EEF2K: variants seen among roughly 807,000 people sequenced by gnomAD.
EEF2K encodes alternative protein EEF2K.
A neutral mutation model predicts 93.8 loss-of-function variants in EEF2K; 70 were observed. The observed-to-expected ratio is 0.75, with a 90% CI of 0.62 to 0.91. The LOEUF (loss-of-function observed/expected upper bound fraction) is 0.91, where lower values mean the gene tolerates loss of function less well. Among genes scored for constraint, EEF2K ranks in the 40% least tolerant of loss-of-function variants. The pLI, the probability that EEF2K is intolerant of heterozygous loss-of-function variation, is 0.00. For missense variants in EEF2K, 935 were observed against 972.9 expected, an observed-to-expected ratio of 0.96 and a Z score of 0.52; for synonymous variants, 376 against 380.8, an observed-to-expected ratio of 0.99 and a Z score of 0.15.
chr16:22,277,348 TG>T (rs2047647342), intron 16 of EEF2K, among the ~76,000 whole-genome samples: 1 of 152,176 alleles, frequency 6.6e-6, no homozygotes, highest in Non-Finnish European at 1.5e-5. Flanking sequence ...TTGCCCAGGC[TG>T]GCCTCAAACT....
chr16:22,242,980 C>T (rs1350608578), intron 2 of EEF2K, among the ~76,000 whole-genome samples: 2 of 151,672 alleles, frequency 1.3e-5, no homozygotes, highest in East Asian at 1.9e-4. Flanking sequence ...CCTAGCTACT[C>T]AGGAGGCTGA....
chr16:22,228,033 A>G lies in EEF2K; in HGVS notation c.246+2058A>G, dbSNP rs1446038071. ...TTTTTTTTTTTTTTTTTTTTTTTTG[A>G]GATGGAGTCTCACTCTGTCGCCCAG... On this transcript the variant is annotated intron_variant, in intron 2 of 17. Transcript: ENST00000263026. Among the ~76,000 whole-genome samples, 9 of 47,436 alleles carry G rather than the reference A, an allele frequency of 1.9e-4. No homozygotes were observed. The South Asian group carries it at 5.3e-3, about 28-fold the overall frequency. 31.1% of individuals were successfully genotyped at this position (47,436 alleles called of 152,430 possible).
intron 1 of EEF2K, among the ~76,000 whole-genome samples, chr16:22,224,628 T>TTCTGTC (rs2047044378): frequency 1.4e-5 from 2 of 140,678 alleles, no homozygotes; most frequent in Admixed American, 7.3e-5. Context: ...CAGAGCAAGA[T>TTCTGTC]TCTGTCTCAA....
intron 1 of EEF2K, among the ~76,000 whole-genome samples, chr16:22,212,803 C>G (rs2046927579): frequency 6.6e-6 from 1 of 151,712 alleles, no homozygotes; most frequent in African/African-American, 2.4e-5. Context: ...AAGACACCAT[C>G]TCTACAAAAA....
chr16:22,237,835 T>C (rs1400499126), intron 2 of EEF2K, among the ~76,000 whole-genome samples: 1 of 152,184 alleles, frequency 6.6e-6, no homozygotes, highest in Admixed American at 6.5e-5. Context: ...CCTCTTTTTG[T>C]GCATTTGCAT....
intron 16 of EEF2K, 129 bp downstream of exon 16, chr16:22,273,879 A>C (rs2047609396): frequency 7.4e-7 from 1 of 1,348,330 alleles, no homozygotes. Context: ...ACCATGGGCA[A>C]CTTATTTTAC....
rs1216980782 is a variant in EEF2K at position 22,258,639 on chromosome 16, CT to C, written c.1176del (p.Leu393SerfsTer15). 6.2e-7 allele frequency: 1 copy of C among 1,614,214 alleles called. No homozygotes were observed. Among genetic ancestry groups the C allele is most frequent in the South Asian group, 1.1e-5 (1 of 91,088 alleles). Reference sequence around the variant, plus strand: ...AACATGAGCGACGTGACCTTCGACTCTCTCCCTTCTTCCCCATCTTCGGCCA... The same window carrying C: ...AACATGAGCGACGTGACCTTCGACTCCTCCCTTCTTCCCCATCTTCGGCCA... ...DENMSDVTFD[S>X]LPSSPSSATP... On this transcript the variant is annotated frameshift_variant, in exon 10 of 18. Coordinates refer to ENST00000263026, the MANE Select transcript of EEF2K (RefSeq NM_013302.5). LOFTEE classifies it high-confidence loss of function.
Position 22,225,981 on chromosome 16 carries a change from T to C in EEF2K, c.246+6T>C. The C allele has an allele frequency of 6.2e-7, 1 of 1,613,346 alleles. No homozygotes were observed. Among genetic ancestry groups the C allele is most frequent in the Non-Finnish European group, 8.5e-7 (1 of 1,179,402 alleles). ...CAAACTCCTTCCACTTCAAGGTGAGTGAGCCACCTATTCCACCTTCCCCAC... is the reference window on the plus strand; with the variant it reads ...CAAACTCCTTCCACTTCAAGGTGAGCGAGCCACCTATTCCACCTTCCCCAC... On this transcript the variant is annotated splice_donor_region_variant and intron_variant, in intron 2 of 17. Transcript: ENST00000263026.
At chr16:22,283,792 T>C (rs2047723240) in intron 17 of EEF2K, 95 bp from the exon 18 acceptor site, 26 of 1,211,910 alleles carry the variant, frequency 2.1e-5, no homozygotes, top group Non-Finnish European at 2.7e-5. Flanking sequence ...TAAGGAAACG[T>C]CAGGGTGTTC....
At chr16:22,260,614 C>T (rs1037483786) in intron 11 of EEF2K, 85 bp downstream of exon 11, 99 of 1,563,166 alleles carry the variant, frequency 6.3e-5, no homozygotes, top group Non-Finnish European at 7.4e-5. Flanking sequence ...TCTTCAGCTT[C>T]GGAGGTGGGC....
rs777277571 is a variant in EEF2K, at chr16:22,264,819, G to A, written c.1379G>A (p.Gly460Asp). 6.2e-7 allele frequency: 1 copy of A among 1,613,930 alleles called. No individual in the cohort carries two copies. Among genetic ancestry groups the A allele is most frequent in the Non-Finnish European group, 8.5e-7 (1 of 1,179,914 alleles). ...AGTGTAATTTCTTCCTCCGTTCAGG[G>A]CCACTCATACAGTAATCGGAAGTAC... Reference protein sequence around the residue: ...ELDDPEPREHGHSYSNRKYES... With the variant: ...ELDDPEPREHDHSYSNRKYES... The change falls in exon 13 of 18, where the codon GGC (glycine) becomes GAC (aspartate). Residue 460 changes from glycine (G) to aspartate (D), a missense_variant and splice_region_variant. Physicochemically the swap from Gly to Asp is moderately conservative, Grantham distance 94. Transcript: ENST00000263026.
chr16:22,251,849 A>G (rs1214455040), intron 6 of EEF2K, among the ~76,000 whole-genome samples: 1 of 152,132 alleles, frequency 6.6e-6, no homozygotes, highest in Non-Finnish European at 1.5e-5. Context: ...GCCAGAGTGC[A>G]GTGGCATAAT....
chr16:22,243,247 ATTTTTTTT>A, intron 2 of EEF2K, among the ~76,000 whole-genome samples: 1 of 118,494 alleles, frequency 8.4e-6, no homozygotes, highest in African/African-American at 3.2e-5. Flanking sequence ...GATGCAGCCT[ATTTTTTTT>A]TTTTTTTTTT....
intron 16 of EEF2K, 22 bp from the exon 17 acceptor site, chr16:22,280,176 T>C: frequency 6.9e-6 from 10 of 1,447,294 alleles, no homozygotes; most frequent in Non-Finnish European, 9.2e-6. Flanking sequence ...CCTCCACCTT[T>C]CCCTCTGTAT....
intron 1 of EEF2K, among the ~76,000 whole-genome samples, chr16:22,222,604 T>C (rs1237539961): frequency 6.7e-6 from 1 of 149,878 alleles, no homozygotes; most frequent in Non-Finnish European, 1.5e-5. Flanking sequence ...GAGCAGTGGC[T>C]CATGCCTGTA....
rs774875110 is a variant in EEF2K at position 22,266,853 on chromosome 16, A to G, written c.1741A>G (p.Ile581Val). The change falls in exon 15 of 18, where the codon ATC becomes GTC. Residue 581 changes from isoleucine (I) to valine (V), a missense_variant. By Grantham distance (29) the Ile-to-Val change is conservative. Coordinates refer to ENST00000263026, the MANE Select transcript of EEF2K (RefSeq NM_013302.5). ...CATGTACTCGCAGTTGCCTCATCAC[A>G]TCCTAGCCGATGTCTCTCTGAAGGT... The part of the protein sequence containing the change: ...GLMYSQLPHH[I>V]LADVSLKETE... The G allele has an allele frequency of 1.2e-6, 2 of 1,611,912 alleles. No individual in the cohort carries two copies. Among genetic ancestry groups the G allele is most frequent in the South Asian group, 1.1e-5 (1 of 90,834 alleles).
chr16:22,224,095 T>C (rs1473968874), intron 1 of EEF2K, among the ~76,000 whole-genome samples: 1 of 151,958 alleles, frequency 6.6e-6, no homozygotes, highest in Non-Finnish European at 1.5e-5. Flanking sequence ...TAATCCCAGC[T>C]ACTCAGGAGA....
chr16:22,273,261 G>A (rs1240056305), intron 15 of EEF2K, among the ~76,000 whole-genome samples: 2 of 152,218 alleles, frequency 1.3e-5, no homozygotes, highest in African/African-American at 4.8e-5. Context: ...TGCATATTAA[G>A]AGGCGGTTTA....
chr16:22,266,682 T>G lies in EEF2K; in HGVS notation c.1576-6T>G, dbSNP rs1425556574. On this transcript the variant is annotated splice_polypyrimidine_tract_variant and splice_region_variant and intron_variant, in intron 14 of 17. Coordinates refer to ENST00000263026, the MANE Select transcript of EEF2K (RefSeq NM_013302.5). The stretch of plus-strand genomic sequence containing the variant: ...AGCCAGGCCGACACCGTAGTCTGTG[T>G]GGCAGGTCCATCTGGCCATGGTGCG... 6.2e-7 allele frequency: 1 copy of G among 1,605,104 alleles called. No individual in the cohort carries two copies. The highest frequency in any genetic ancestry group is 8.5e-7 in the Non-Finnish European group (1 of 1,175,054).
Sources: gnomAD v4.1 joint callset for allele counts (sites outside exome capture counted in the v4.1 genomes callset) on GRCh38, gnomAD v4.1.1 for gene constraint, MANE v1.5 for transcripts, NCBI Gene and HGNC (gene_info 2026-07-23, HGNC 2026-07-21) for gene names.